IQCB1: variants seen among roughly 807,000 people sequenced by gnomAD.
The protein encoded by IQCB1 is IQ motif containing B1.
IQCB1 carries 56 observed loss-of-function variants against 84.4 expected under a neutral mutation model. That is an observed-to-expected ratio of 0.66 (90% confidence interval 0.54 to 0.83). The LOEUF (loss-of-function observed/expected upper bound fraction) is 0.83, where lower values mean the gene tolerates loss of function less well. Ranked by LOEUF, IQCB1 falls within the 40% of genes least tolerant of loss-of-function variation. The pLI is 0.00. For missense variants in IQCB1, 629 were observed against 682.1 expected (o/e 0.92, Z 0.87); for synonymous variants, 210 against 234.8 (o/e 0.89, Z 0.96).
chr3:121,791,267 T>A (rs1346304922), intron 10 of IQCB1, among the ~76,000 whole-genome samples: 1 of 152,216 alleles, frequency 6.6e-6, no homozygotes, highest in Non-Finnish European at 1.5e-5. Flanking sequence ...TGGCTATAGC[T>A]TTGTACTCTT....
intron 12 of IQCB1, among the ~76,000 whole-genome samples, chr3:121,785,021 C>T (rs1948651367): frequency 1.3e-5 from 2 of 152,150 alleles, no homozygotes; most frequent in Admixed American, 1.3e-4. Context: ...TTGCATCCTT[C>T]TGTTGAGACT....
At chr3:121,770,602 A>G (rs1385836858) in intron 14 of IQCB1, 28 bp from the exon 15 acceptor site, 1 of 1,553,938 alleles carries the variant, frequency 6.4e-7, no homozygotes, top group Middle Eastern at 1.7e-4. Flanking sequence ...TAAACAGATG[A>G]GCAGAAGAGT....
At chr3:121,780,928 C>T (rs1948457190) in intron 13 of IQCB1, among the ~76,000 whole-genome samples, 1 of 152,082 alleles carries the variant, frequency 6.6e-6, no homozygotes, top group East Asian at 1.9e-4. Flanking sequence ...ACCACCACCA[C>T]AATCACAACA....
chr3:121,815,955 G>T (rs1376386899), intron 5 of IQCB1, among the ~76,000 whole-genome samples: 3 of 139,002 alleles, frequency 2.2e-5, no homozygotes, highest in African/African-American at 7.9e-5. Flanking sequence ...AAAAGAGCCC[G>T]TATAGCCAAG....
intron 5 of IQCB1, among the ~76,000 whole-genome samples, chr3:121,823,506 C>A (rs1315708702): frequency 6.6e-6 from 1 of 151,912 alleles, no homozygotes; most frequent in African/African-American, 2.4e-5. Flanking sequence ...AGAATGAAGG[C>A]TGAATTTACA....
intron 12 of IQCB1, among the ~76,000 whole-genome samples, chr3:121,787,728 C>T (rs987625640): frequency 3.5e-4 from 50 of 141,104 alleles, no homozygotes; most frequent in African/African-American, 1.3e-3. Flanking sequence ...TTCAGCCTTG[C>T]AACAGAGCAA....
intron 4 of IQCB1, 99 bp from the exon 5 acceptor site, chr3:121,826,279 T>G: frequency 8.6e-7 from 1 of 1,158,100 alleles, no homozygotes; most frequent in Non-Finnish European, 1.3e-6. Context: ...AGTATGCTTC[T>G]TTTGTTACCA....
chr3:121,775,352 T>C (rs1417067034), intron 13 of IQCB1, among the ~76,000 whole-genome samples: 1 of 152,184 alleles, frequency 6.6e-6, no homozygotes, highest in African/African-American at 2.4e-5. Context: ...GAAACCATCA[T>C]TCTCAGCAAA....
chr3:121,810,320 T>C (rs1949776478), intron 5 of IQCB1, among the ~76,000 whole-genome samples: 1 of 152,172 alleles, frequency 6.6e-6, no homozygotes, highest in Admixed American at 6.5e-5. Flanking sequence ...GAAAAGCTCC[T>C]AGGTAAATAG....
chr3:121,828,933 T>A lies in IQCB1; in HGVS notation c.28A>T (p.Ile10Phe), dbSNP rs1360663492. Reference sequence around the variant, plus strand: ...GCAACTTCAGCAGCTATAGATAAGATCCTTGGGTCTGTACCTGTTGGCTTC... The same window carrying A: ...GCAACTTCAGCAGCTATAGATAAGAACCTTGGGTCTGTACCTGTTGGCTTC... MKPTGTDPR[I>F]LSIAAEVAKS... Residue 10 changes from isoleucine to phenylalanine, a missense_variant, in exon 3 of 15, where the codon ATC becomes TTC. Coordinates refer to ENST00000310864, the MANE Select transcript of IQCB1 (RefSeq NM_001023570.4). The A allele has an allele frequency of 1.9e-6, 3 of 1,610,894 alleles. No individual in the cohort carries two copies. The highest frequency in any genetic ancestry group is 2.5e-6 in the Non-Finnish European group (3 of 1,177,954).
chr3:121,778,497 G>A (rs1241789441), intron 13 of IQCB1, among the ~76,000 whole-genome samples: 1 of 151,508 alleles, frequency 6.6e-6, no homozygotes, highest in Non-Finnish European at 1.5e-5. Flanking sequence ...GTGTACTGGT[G>A]ATCAAGTCTT....
chr3:121,808,639 C>T (rs1253934791), intron 6 of IQCB1, among the ~76,000 whole-genome samples: 1 of 151,930 alleles, frequency 6.6e-6, no homozygotes, highest in Non-Finnish European at 1.5e-5. Context: ...ATAAACTGCT[C>T]AAATTATCAT....
intron 12 of IQCB1, 92 bp from the exon 13 acceptor site, chr3:121,781,966 A>G: frequency 8.0e-7 from 1 of 1,245,200 alleles, no homozygotes. Context: ...ATCACATTGC[A>G]ATAATGATTA....
At chr3:121,793,248 C>A (rs1279714242) in intron 10 of IQCB1, among the ~76,000 whole-genome samples, 1 of 152,166 alleles carries the variant, frequency 6.6e-6, no homozygotes, top group Non-Finnish European at 1.5e-5. Flanking sequence ...GAAAACCTTG[C>A]TGAATAAGAG....
intron 12 of IQCB1, among the ~76,000 whole-genome samples, chr3:121,786,498 TAA>T (rs10711478): frequency 1.4e-3 from 202 of 146,768 alleles, no homozygotes; most frequent in Admixed American, 2.0e-3. Context: ...CCATGTCTCT[TAA>T]AAAAAAAAAA....
intron 6 of IQCB1, among the ~76,000 whole-genome samples, chr3:121,808,007 C>A (rs1041906912): frequency 6.6e-6 from 1 of 151,962 alleles, no homozygotes; most frequent in Non-Finnish European, 1.5e-5. Flanking sequence ...ACCATTTCTT[C>A]ATCTGTAAAA....
chr3:121,817,510 T>C (rs1319109760), intron 5 of IQCB1, among the ~76,000 whole-genome samples: 1 of 152,188 alleles, frequency 6.6e-6, no homozygotes, highest in Non-Finnish European at 1.5e-5. Context: ...TGTACTATTA[T>C]ACCTCTCATT....
intron 12 of IQCB1, among the ~76,000 whole-genome samples, chr3:121,785,975 C>T (rs1476601373): frequency 6.7e-6 from 1 of 148,636 alleles, no homozygotes; most frequent in African/African-American, 2.5e-5. Context: ...TGGAGACCAC[C>T]CTGGAGAACA....
At chr3:121,795,716 G>A (rs1364189665) in intron 9 of IQCB1, 150 bp from the exon 10 acceptor site, 1 of 637,326 alleles carries the variant, frequency 1.6e-6, no homozygotes, top group Admixed American at 2.8e-5. Flanking sequence ...TCCCAAAGGA[G>A]GTATGTTAGG....
Sources: gnomAD v4.1 joint callset for allele counts (sites outside exome capture counted in the v4.1 genomes callset) on GRCh38, gnomAD v4.1.1 for gene constraint, MANE v1.5 for transcripts, NCBI Gene and HGNC (gene_info 2026-07-23, HGNC 2026-07-21) for gene names.